The following NYAP2 variants were observed in gnomAD, a reference collection of about 807,000 sequenced individuals.
The protein encoded by NYAP2 is neuronal tyrosine-phosphorylated phosphoinositide-3-kinase adaptor 2, also known as neuronal tyrosine-phosphorylated phosphoinositide-3-kinase adapter 2.
Under a neutral mutation model 50.4 loss-of-function variants are expected in NYAP2, and 23 were observed. That is an observed-to-expected ratio of 0.46 (90% CI 0.33 to 0.65). The LOEUF is 0.65. Among genes scored for constraint, NYAP2 ranks in the 30% least tolerant of loss-of-function variants. The pLI, the probability that NYAP2 is intolerant of heterozygous loss-of-function variation, is 0.02. For synonymous variants in NYAP2, 394 were observed against 365.2 expected (o/e 1.08, Z -0.90); for missense variants, 885 against 861.0 (o/e 1.03, Z -0.35).
At chr2:225,506,492 G>A (rs1690709340) in intron 3 of NYAP2, among the ~76,000 whole-genome samples, 1 of 152,152 alleles carries the variant, frequency 6.6e-6, no homozygotes, top group Admixed American at 6.5e-5. Flanking sequence ...CTCTCTAGAT[G>A]GCCAATTTCC....
chr2:225,669,233 CTCTA>C, the NYAP2 span, among the ~76,000 whole-genome samples: 4 of 151,988 alleles, frequency 2.6e-5, no homozygotes, highest in African/African-American at 4.8e-5. Context: ...TTTTTCATGA[CTCTA>C]TCTCTTTCTT....
chr2:225,480,890 T>C (rs1690195604), intron 3 of NYAP2, among the ~76,000 whole-genome samples: 1 of 152,144 alleles, frequency 6.6e-6, no homozygotes, highest in Non-Finnish European at 1.5e-5. Flanking sequence ...TATCCAGATA[T>C]TTTCAGAATT....
intron 4 of NYAP2, among the ~76,000 whole-genome samples, chr2:225,537,119 T>C (rs76569477): frequency 0.11 from 17,405 of 152,082 alleles, 1,253 homozygotes; most frequent in Non-Finnish European, 0.15. Context: ...CCAATAACCA[T>C]GCCCACTTTC....
At chr2:225,479,699 T>C (rs887106504) in intron 3 of NYAP2, among the ~76,000 whole-genome samples, 4 of 152,090 alleles carry the variant, frequency 2.6e-5, no homozygotes, top group African/African-American at 9.7e-5. Flanking sequence ...GCATTTGCAG[T>C]CACCTTGTAT....
intron 3 of NYAP2, among the ~76,000 whole-genome samples, chr2:225,488,421 T>C (rs1690341450): frequency 6.6e-6 from 1 of 152,182 alleles, no homozygotes; most frequent in Admixed American, 6.5e-5. Context: ...TCACCCAGGC[T>C]GGAGTGCAGT....
At chr2:225,488,593 C>T (rs766315562) in intron 3 of NYAP2, among the ~76,000 whole-genome samples, 10 of 152,146 alleles carry the variant, frequency 6.6e-5, no homozygotes, top group East Asian at 1.9e-4. Context: ...AGGCTGGTCT[C>T]GAGCTCTCAG....
At chr2:225,455,376 T>C (rs1474816854) in intron 3 of NYAP2, among the ~76,000 whole-genome samples, 1 of 152,246 alleles carries the variant, frequency 6.6e-6, no homozygotes, top group Non-Finnish European at 1.5e-5. Context: ...TCTATATCCA[T>C]ATCCCTATTC....
rs16866654 is a variant in NYAP2 at position 225,584,252 on chromosome 2, A to G, written c.1618+1217A>G. On this transcript the variant is annotated intron_variant, in intron 5 of 6. Coordinates refer to ENST00000636099, the Ensembl canonical transcript of NYAP2. Reference sequence around the variant, plus strand: ...CTTTTAAAAGCCATGGTGATTTTACATCTTATTTCTATGATACTCTTCCTA... The same window carrying G: ...CTTTTAAAAGCCATGGTGATTTTACGTCTTATTTCTATGATACTCTTCCTA... Among the ~76,000 whole-genome samples the G allele has an allele frequency of 7.3e-3, 1,112 of 152,332 alleles. 20 individuals carry two copies. Among genetic ancestry groups the G allele is most frequent in the African/African-American group, 0.026 (1,078 of 41,574 alleles).
At chr2:225,492,349 A>G (rs940584494) in intron 3 of NYAP2, among the ~76,000 whole-genome samples, 8 of 152,154 alleles carry the variant, frequency 5.3e-5, no homozygotes, top group South Asian at 2.1e-4. Flanking sequence ...TAACTGCATA[A>G]CTCTGGGGAT....
At chr2:225,577,003 A>G (rs1692179585) in intron 4 of NYAP2, among the ~76,000 whole-genome samples, 1 of 134,924 alleles carries the variant, frequency 7.4e-6, no homozygotes, top group East Asian at 2.1e-4. Context: ...ATACTAAAGC[A>G]TGGTTTTACA....
At chr2:225,567,277 C>T (rs1049839889) in intron 4 of NYAP2, among the ~76,000 whole-genome samples, 3 of 151,860 alleles carry the variant, frequency 2.0e-5, no homozygotes, top group South Asian at 4.2e-4. Context: ...GCTGACTGCA[C>T]CCTTATTATG....
chr2:225,593,257 A>T (rs1467322814), intron 5 of NYAP2, among the ~76,000 whole-genome samples: 1 of 152,186 alleles, frequency 6.6e-6, no homozygotes, highest in African/African-American at 2.4e-5. Context: ...TTGAGACCTT[A>T]GATAAGTCAG....
chr2:225,700,994 T>G, the NYAP2 span: 5 of 151,896 alleles, frequency 3.3e-5, no homozygotes, highest in African/African-American at 1.2e-4. Flanking sequence ...TGTTTGAAAA[T>G]TTGACCTTAG....
intron 6 of NYAP2, among the ~76,000 whole-genome samples, chr2:225,645,366 A>C (rs576685555): frequency 1.3e-5 from 2 of 152,232 alleles, no homozygotes; most frequent in East Asian, 3.9e-4. Flanking sequence ...TGTCTTGATA[A>C]TTGTTTACTC....
intron 3 of NYAP2, among the ~76,000 whole-genome samples, chr2:225,432,897 G>A (rs996853304): frequency 6.6e-6 from 1 of 152,082 alleles, no homozygotes; most frequent in Admixed American, 6.5e-5. Context: ...GGTCAAGTAG[G>A]GGGAAGGGGA....
intron 3 of NYAP2, among the ~76,000 whole-genome samples, chr2:225,497,059 C>A (rs559063637): frequency 6.6e-6 from 1 of 152,250 alleles, no homozygotes; most frequent in African/African-American, 2.4e-5. Context: ...GACGCTGACA[C>A]CCCTTAGGGC....
intron 3 of NYAP2, among the ~76,000 whole-genome samples, chr2:225,427,317 T>C (rs1466528749): frequency 6.6e-6 from 1 of 152,230 alleles, no homozygotes; most frequent in Non-Finnish European, 1.5e-5. Context: ...GAGATACAAA[T>C]AATGACACTT....
At chr2:225,442,582 A>T (rs377341242) in intron 3 of NYAP2, among the ~76,000 whole-genome samples, 7 of 152,110 alleles carry the variant, frequency 4.6e-5, no homozygotes, top group East Asian at 3.9e-4. Context: ...TTTATTAATT[A>T]ATTTATTTTT....
chr2:225,581,958 C>T (rs1443286505), exon 5 of NYAP2: 2 of 1,604,756 alleles, frequency 1.2e-6, no homozygotes, highest in Admixed American at 3.3e-5. Context: ...TAAACCAAGA[C>T]CCCACAGCGA....
Sources: gnomAD v4.1 joint callset for allele counts (sites outside exome capture counted in the v4.1 genomes callset) on GRCh38, gnomAD v4.1.1 for gene constraint, MANE v1.5 for transcripts, NCBI Gene and HGNC (gene_info 2026-07-23, HGNC 2026-07-21) for gene names.